Variants in NINL observed in about 807,000 individuals in gnomAD.
The protein encoded by NINL is ninein-like protein.
In NINL, 153 loss-of-function variants were observed where a neutral mutation model predicts 160.3. The ratio of observed to expected loss-of-function variants is 0.95; its 90% CI spans 0.84 to 1.09. The LOEUF (loss-of-function observed/expected upper bound fraction) is 1.09, where lower values mean the gene tolerates loss of function less well. Among genes scored for constraint, NINL ranks in the 50% least tolerant of loss-of-function variants. NINL has a pLI of 0.00. For synonymous variants in NINL, 800 were observed against 734.8 expected (o/e 1.09, Z -1.43); for missense variants, 1,829 against 1,764.0 (o/e 1.04, Z -0.66).
intron 2 of NINL, among the ~76,000 whole-genome samples, chr20:25,518,775 A>G (rs953688649): frequency 6.9e-6 from 1 of 145,648 alleles, no homozygotes; most frequent in African/African-American, 2.6e-5. Context: ...TGGATTTACT[A>G]TTTTAGGATT....
At chr20:25,459,323 C>T (rs1600985930) in intron 21 of NINL, among the ~76,000 whole-genome samples, 1 of 152,198 alleles carries the variant, frequency 6.6e-6, no homozygotes, top group East Asian at 1.9e-4. Flanking sequence ...CTTCAGTAGT[C>T]CCTGCACTGA....
intron 3 of NINL, among the ~76,000 whole-genome samples, chr20:25,515,535 G>A (rs2146899345): frequency 6.6e-6 from 1 of 152,276 alleles, no homozygotes; most frequent in African/African-American, 2.4e-5. Context: ...GCATGATTGT[G>A]TTTTGAAATG....
At chr20:25,516,998 T>A (rs1336498702) in intron 3 of NINL, among the ~76,000 whole-genome samples, 1 of 152,108 alleles carries the variant, frequency 6.6e-6, no homozygotes, top group East Asian at 1.9e-4. Flanking sequence ...ATGGGTATGG[T>A]AAGTAATACC....
chr20:25,480,379 T>C, intron 14 of NINL, 112 bp from the exon 15 acceptor site: 1 of 747,986 alleles, frequency 1.3e-6, no homozygotes, highest in Non-Finnish European at 2.4e-6. Flanking sequence ...CAGGTGGTGC[T>C]GGCTGTGAGG....
At chr20:25,485,305 C>T (rs2063485197) in intron 13 of NINL, among the ~76,000 whole-genome samples, 2 of 152,162 alleles carry the variant, frequency 1.3e-5, no homozygotes, top group Admixed American at 6.5e-5. Context: ...TAAAAGCCCT[C>T]GCTTGTGGCT....
At chr20:25,464,280 G>A (rs568288759) in intron 19 of NINL, among the ~76,000 whole-genome samples, 1 of 152,270 alleles carries the variant, frequency 6.6e-6, no homozygotes, top group African/African-American at 2.4e-5. Flanking sequence ...AGCCGGGCTT[G>A]GTGGCACATG....
At chr20:25,504,133 C>T (rs1205348653) in intron 6 of NINL, 29 bp from the exon 7 acceptor site, 1 of 1,538,102 alleles carries the variant, frequency 6.5e-7, no homozygotes, top group East Asian at 2.3e-5. Context: ...ATCTCAGGCC[C>T]ACCCACAAGA....
intron 1 of NINL, among the ~76,000 whole-genome samples, chr20:25,570,349 C>T (rs183708575): frequency 6.6e-6 from 1 of 152,214 alleles, no homozygotes; most frequent in Non-Finnish European, 1.5e-5. Flanking sequence ...GGGTAAGCAC[C>T]ATCCCCTTGG....
chr20:25,522,024 G>A (rs1372968998), intron 2 of NINL, among the ~76,000 whole-genome samples: 1 of 151,974 alleles, frequency 6.6e-6, no homozygotes, highest in African/African-American at 2.4e-5. Flanking sequence ...CTCCACCTTG[G>A]CCTCCTGAGT....
chr20:25,469,465 C>A (rs1379009443), intron 18 of NINL, among the ~76,000 whole-genome samples: 5 of 108,162 alleles, frequency 4.6e-5, no homozygotes. Context: ...CTCACTGGTG[C>A]CCCCACCCCC....
chr20:25,475,496 T>C (rs1014244922), intron 17 of NINL, among the ~76,000 whole-genome samples: 1 of 152,212 alleles, frequency 6.6e-6, no homozygotes, highest in Non-Finnish European at 1.5e-5. Context: ...CAAAAATTGA[T>C]GCTAAAATCC....
intron 10 of NINL, among the ~76,000 whole-genome samples, chr20:25,495,753 C>T (rs1254628960): frequency 3.3e-5 from 5 of 152,206 alleles, no homozygotes; most frequent in African/African-American, 1.2e-4. Context: ...GTAGAGAAGC[C>T]CCTCTCCCTG....
intron 1 of NINL, among the ~76,000 whole-genome samples, chr20:25,562,983 G>A (rs1008591792): frequency 5.3e-5 from 8 of 152,040 alleles, no homozygotes; most frequent in Non-Finnish European, 1.2e-4. Flanking sequence ...TGGCTAACAC[G>A]GTGAAATCCC....
intron 19 of NINL, among the ~76,000 whole-genome samples, chr20:25,467,062 C>T (rs118007615): frequency 0.013 from 2,044 of 152,330 alleles, 23 homozygotes; most frequent in Middle Eastern, 0.031. Context: ...ACAGACAGTG[C>T]CTGCCTGCCA....
In NINL at chr20:25,489,312, T is replaced by C. The variant is rs1441257421; in HGVS notation, c.1609A>G (p.Ser537Gly). Residue 537 changes from serine (S) to glycine (G), a missense_variant, in exon 13 of 24, where the codon AGT (serine) becomes GGT (glycine). By Grantham distance (56) the Ser-to-Gly change is moderately conservative. Transcript: ENST00000278886. ...TCCTCCTGGGCCAGGAGCTCTGCAC[T>C]CTGTGGCTCCAGCTGAAAGGCAGAC... is the stretch of plus-strand genomic sequence containing the variant. ...FVLKDKLEPQ[S>G]AELLAQEERF... 2 of 1,613,856 alleles carry C rather than the reference T, an allele frequency of 1.2e-6. No homozygotes were observed. The highest frequency in any genetic ancestry group is 1.7e-5 in the Admixed American group (1 of 60,022).
At chr20:25,517,670 T>G in intron 3 of NINL, 83 bp downstream of exon 3, 1 of 1,068,346 alleles carries the variant, frequency 9.4e-7, no homozygotes, top group Non-Finnish European at 1.4e-6. Flanking sequence ...TTTTCAGAAC[T>G]GCTGGATTCT....
At chr20:25,482,210 G>T in intron 13 of NINL, 110 bp from the exon 14 acceptor site, 2 of 1,234,074 alleles carry the variant, frequency 1.6e-6, no homozygotes. Context: ...GCACTGTGAG[G>T]TGAGGGCCTG....
chr20:25,583,566 C>T (rs570704705), intron 1 of NINL, among the ~76,000 whole-genome samples: 3 of 152,216 alleles, frequency 2.0e-5, no homozygotes, highest in African/African-American at 7.2e-5. Flanking sequence ...GACAGTGTGG[C>T]GATTCCTCAA....
At chr20:25,567,013 G>A (rs2065005595) in intron 1 of NINL, among the ~76,000 whole-genome samples, 1 of 151,916 alleles carries the variant, frequency 6.6e-6, no homozygotes, top group Admixed American at 6.6e-5. Flanking sequence ...AGGCATGGTG[G>A]TGCATACCTA....
Sources: gnomAD v4.1 joint callset for allele counts (sites outside exome capture counted in the v4.1 genomes callset) on GRCh38, gnomAD v4.1.1 for gene constraint, MANE v1.5 for transcripts, NCBI Gene and HGNC (gene_info 2026-07-23, HGNC 2026-07-21) for gene names.